Variants in NEO1 observed in about 807,000 individuals in gnomAD.
NEO1 encodes the protein neogenin 1.
A neutral mutation model predicts 159.7 loss-of-function variants in NEO1; 63 were observed. The observed-to-expected ratio is 0.39, with a 90% confidence interval of 0.32 to 0.49. The LOEUF (loss-of-function observed/expected upper bound fraction) is 0.49. Ranked by LOEUF, NEO1 falls within the 20% of genes least tolerant of loss-of-function variation. The pLI, the probability that NEO1 is intolerant of heterozygous loss-of-function variation, is 0.85. For synonymous variants in NEO1, 633 were observed against 662.0 expected, an observed-to-expected ratio of 0.96 and a Z score of 0.67; for missense variants, 1,615 against 1,831.0, an observed-to-expected ratio of 0.88 and a Z score of 2.15.
At chr15:73,205,984 T>G (rs2037198918) in intron 7 of NEO1, among the ~76,000 whole-genome samples, 2 of 152,176 alleles carry the variant, frequency 1.3e-5, no homozygotes, top group African/African-American at 4.8e-5. Context: ...CTCGGCTCAC[T>G]GCAACCCCTG....
chr15:73,284,976 C>G (rs984862397), intron 23 of NEO1, among the ~76,000 whole-genome samples: 1 of 152,020 alleles, frequency 6.6e-6, no homozygotes, highest in Non-Finnish European at 1.5e-5. Context: ...CTTCAAGCCT[C>G]TTTATTTGGC....
chr15:73,253,071 T>G (rs184111387), intron 11 of NEO1, among the ~76,000 whole-genome samples: 1 of 152,156 alleles, frequency 6.6e-6, no homozygotes, highest in Non-Finnish European at 1.5e-5. Context: ...TGAGTACATA[T>G]GGGGTCTAGA....
At position 73,073,226 on chromosome 15, in the gene NEO1, T is replaced by C. The variant is rs144013300; in HGVS notation, c.130+20421T>C. 2.6e-5 allele frequency among the ~76,000 whole-genome samples: 4 copies of C among 152,202 alleles called. No homozygotes were observed. The East Asian group carries it at 7.7e-4, about 29-fold the overall frequency. On this transcript the variant is annotated intron_variant, in intron 1 of 28. Coordinates refer to ENST00000261908, the MANE Select transcript of NEO1 (RefSeq NM_002499.4). ...ATCACAGGAACCAAGGAGGAGAGTA[T>C]CTGATTCTGCTGGCAGAATTAAGTA...
intron 8 of NEO1, among the ~76,000 whole-genome samples, chr15:73,244,076 C>T (rs1172279655): frequency 6.6e-6 from 1 of 152,060 alleles, no homozygotes; most frequent in Non-Finnish European, 1.5e-5. Flanking sequence ...TGAGAAGAGC[C>T]CTGTGTCTTC....
chr15:73,095,673 GT>G (rs111751613), intron 1 of NEO1, among the ~76,000 whole-genome samples: 5,113 of 145,154 alleles, frequency 0.035, 112 homozygotes, highest in African/African-American at 0.064. Context: ...GTCTTTATTT[GT>G]TTTTTTTTTT....
At chr15:73,168,748 TCA>T (rs2034759025) in intron 5 of NEO1, among the ~76,000 whole-genome samples, 5 of 152,154 alleles carry the variant, frequency 3.3e-5, no homozygotes, top group African/African-American at 1.2e-4. Flanking sequence ...TCAAGAAATG[TCA>T]GAGGATTCAA....
intron 16 of NEO1, among the ~76,000 whole-genome samples, chr15:73,267,846 G>C (rs1170681107): frequency 6.6e-6 from 1 of 152,006 alleles, no homozygotes; most frequent in Non-Finnish European, 1.5e-5. Context: ...TTTTTAAAAG[G>C]GCACTGGAAA....
chr15:73,089,602 A>ATT lies in NEO1; in HGVS notation c.131-26925_131-26924dup, dbSNP rs200249919. On this transcript the variant is annotated intron_variant, in intron 1 of 28. Coordinates refer to ENST00000261908, the MANE Select transcript of NEO1 (RefSeq NM_002499.4). The stretch of plus-strand genomic sequence containing the variant: ...AGTACAAGTTAAAACAACTTACACC[A>ATT]TTTTTTTTTTTTTTGCTCCTTAACT... Among the ~76,000 whole-genome samples the ATT allele has an allele frequency of 2.7e-3, 385 of 140,004 alleles. 2 individuals carry two copies. The highest frequency in any genetic ancestry group is 9.6e-3 in the African/African-American group (367 of 38,380). The allele number at this position is 140,004 out of a possible 152,430, so 91.8% of individuals were successfully genotyped here. A position where few individuals can be genotyped will look rare whatever the true frequency, so the allele number is the denominator to read the frequency against.
chr15:73,119,249 T>C (rs2071493362), intron 2 of NEO1, among the ~76,000 whole-genome samples: 1 of 152,218 alleles, frequency 6.6e-6, no homozygotes, highest in Non-Finnish European at 1.5e-5. Context: ...GTACTTTAGA[T>C]AGTGAACTTT....
chr15:73,255,736 A>G (rs1567615248), intron 13 of NEO1: 1 of 152,244 alleles, frequency 6.6e-6, no homozygotes. Context: ...CTTCAGCACC[A>G]TCACCCTACC....
intron 5 of NEO1, among the ~76,000 whole-genome samples, chr15:73,155,231 C>T (rs746743102): frequency 4.6e-4 from 69 of 151,144 alleles, no homozygotes; most frequent in Non-Finnish European, 7.4e-4. Flanking sequence ...GGTGGTGATA[C>T]TGATGGTGGT....
At chr15:73,105,334 A>G (rs926536951) in intron 1 of NEO1, among the ~76,000 whole-genome samples, 1 of 152,220 alleles carries the variant, frequency 6.6e-6, no homozygotes, top group African/African-American at 2.4e-5. Flanking sequence ...CTATACGCCT[A>G]AGAGTGCCTG....
intron 1 of NEO1, among the ~76,000 whole-genome samples, chr15:73,097,736 C>A (rs2070144989): frequency 7.2e-6 from 1 of 138,914 alleles, no homozygotes. Flanking sequence ...TGAGATGTTT[C>A]ATATTCATCT....
chr15:73,055,179 T>C (rs949855353), intron 1 of NEO1, among the ~76,000 whole-genome samples: 36 of 152,280 alleles, frequency 2.4e-4, no homozygotes, highest in African/African-American at 7.9e-4. Flanking sequence ...ACTGAAAAGA[T>C]ATGTAGAGAC....
At chr15:73,190,242 A>G (rs911578087) in intron 7 of NEO1, among the ~76,000 whole-genome samples, 4 of 152,234 alleles carry the variant, frequency 2.6e-5, no homozygotes, top group Non-Finnish European at 5.9e-5. Flanking sequence ...GAATTTAAAA[A>G]TAGATTGCGA....
chr15:73,296,670 C>T (rs535518724), intron 26 of NEO1, among the ~76,000 whole-genome samples: 7 of 152,132 alleles, frequency 4.6e-5, no homozygotes, highest in African/African-American at 1.7e-4. Context: ...AGACCCTCCC[C>T]CTCCCCCCGC....
intron 1 of NEO1, among the ~76,000 whole-genome samples, chr15:73,109,075 T>G (rs544371717): frequency 6.6e-6 from 1 of 152,264 alleles, no homozygotes; most frequent in African/African-American, 2.4e-5. Context: ...TCAAACTTGG[T>G]TTTAAGATCA....
In NEO1 at chr15:73,176,462, G is replaced by A. The variant is rs1344491523; in HGVS notation, c.1075G>A (p.Val359Ile). Residue 359 changes from valine (V) to isoleucine (I), a missense_variant, in exon 6 of 29, where the codon GTA (valine) becomes ATA (isoleucine). This residue lies in a region of NEO1 where 1,018 missense variants were observed against 1,115.4 expected (regional missense o/e 0.91). Transcript: ENST00000261908. ...NIYAHESMDIVFECEVTGKPT... is the reference protein window; with the variant it reads ...NIYAHESMDIIFECEVTGKPT... Reference sequence around the variant, plus strand: ...ATATGCTCACGAATCTATGGATATTGTATTTGAATGTGAAGTGACTGGAAA... The same window carrying A: ...ATATGCTCACGAATCTATGGATATTATATTTGAATGTGAAGTGACTGGAAA... The A allele has an allele frequency of 6.2e-7, 1 of 1,610,390 alleles. No homozygotes were observed. Among genetic ancestry groups the A allele is most frequent in the Non-Finnish European group, 8.5e-7 (1 of 1,177,776 alleles).
rs114825328 is a variant in NEO1, at chr15:73,104,099, C to T, written c.131-12441C>T. Among the ~76,000 whole-genome samples the T allele has an allele frequency of 9.8e-3, 1,497 of 152,242 alleles. 32 individuals carry two copies. The highest frequency in any genetic ancestry group is 0.034 in the African/African-American group (1,414 of 41,542). Reference sequence around the variant, plus strand: ...CTGGTCTCAAACTCCTAGGCTCAAGCGATCATCTTGCCTTGGCTTCCCAAA... The same window carrying T: ...CTGGTCTCAAACTCCTAGGCTCAAGTGATCATCTTGCCTTGGCTTCCCAAA... On this transcript the variant is annotated intron_variant, in intron 1 of 28. Transcript: ENST00000261908.
Sources: gnomAD v4.1 joint callset for allele counts (sites outside exome capture counted in the v4.1 genomes callset) on GRCh38, gnomAD v4.1.1 for gene constraint, gnomAD v4.1.1 regional missense constraint, MANE v1.5 for transcripts, NCBI Gene and HGNC (gene_info 2026-07-23, HGNC 2026-07-21) for gene names.